Variants in CHRDL1 observed in about 807,000 individuals in gnomAD.
CHRDL1 encodes chordin like 1.
A neutral mutation model predicts 40.9 loss-of-function variants in CHRDL1; 19 were observed. That is an observed-to-expected ratio of 0.46 (90% CI 0.32 to 0.68). CHRDL1 has a LOEUF of 0.68. Among genes scored for constraint, CHRDL1 ranks in the 30% least tolerant of loss-of-function variants. The pLI, the probability that CHRDL1 is intolerant of heterozygous loss-of-function variation, is 0.03. For synonymous variants in CHRDL1, 136 were observed against 123.4 expected (o/e 1.10, Z -0.68); for missense variants, 329 against 352.1 (o/e 0.93, Z 0.53).
chrX:110,736,558 A>T (rs1031357098), intron 4 of CHRDL1, among the ~76,000 whole-genome samples: 1 of 111,686 alleles, frequency 9.0e-6, no homozygotes, highest in Admixed American at 9.5e-5. Context: ...CAAGGCTGGA[A>T]AAACAATATG....
rs146084934 is a variant in CHRDL1, at chrX:110,725,984, C to T, written c.302-4454G>A. Among the ~76,000 whole-genome samples the T allele has an allele frequency of 2.2e-4, 25 of 111,440 alleles. No individual in the cohort carries two copies. In the East Asian group the frequency reaches 7.0e-3, roughly 31 times the overall value. ...AGTCCCTTTAATTGCCCATGACACACAGAGAGACATACACATCCAACAAAG... is the reference window on the plus strand; with the variant it reads ...AGTCCCTTTAATTGCCCATGACACATAGAGAGACATACACATCCAACAAAG... On this transcript the variant is annotated intron_variant, in intron 4 of 11. Coordinates refer to ENST00000372042, the MANE Select transcript of CHRDL1 (RefSeq NM_001143981.2).
intron 4 of CHRDL1, 59 bp downstream of exon 4, chrX:110,759,602 T>C (rs1372581304): frequency 2.5e-6 from 2 of 805,434 alleles, no homozygotes; most frequent in African/African-American, 4.1e-5. Flanking sequence ...ATGAGTTGAG[T>C]TGGGTGAAGA....
At chrX:110,696,264 A>C (rs2070383737) in intron 7 of CHRDL1, among the ~76,000 whole-genome samples, 1 of 111,645 alleles carries the variant, frequency 9.0e-6, no homozygotes, top group Non-Finnish European at 1.9e-5. Context: ...GCCATTCTTT[A>C]GCACCAACGT....
At chrX:110,713,240 C>G (rs1247509467) in intron 6 of CHRDL1, among the ~76,000 whole-genome samples, 1 of 111,701 alleles carries the variant, frequency 9.0e-6, no homozygotes, top group African/African-American at 3.3e-5. Flanking sequence ...TTACTTATAT[C>G]ATGACGTGGT....
intron 10 of CHRDL1, among the ~76,000 whole-genome samples, 194 bp downstream of exon 10, chrX:110,681,288 T>C (rs1481624531): frequency 8.9e-6 from 1 of 112,158 alleles, no homozygotes; most frequent in Non-Finnish European, 1.9e-5. Context: ...GGGTCAGTAC[T>C]TGATCTTTAG....
chrX:110,730,582 T>C (rs2071140871), intron 4 of CHRDL1, among the ~76,000 whole-genome samples: 1 of 110,728 alleles, frequency 9.0e-6, no homozygotes, highest in Non-Finnish European at 1.9e-5. Flanking sequence ...TGTATTTTAT[T>C]TTATTATTAT....
intron 4 of CHRDL1, among the ~76,000 whole-genome samples, chrX:110,741,849 A>G (rs913647399): frequency 2.7e-5 from 3 of 111,990 alleles, no homozygotes; most frequent in African/African-American, 9.8e-5. Context: ...CAGATAGGCC[A>G]CAGGCTATTT....
In CHRDL1 at chrX:110,762,596, A is replaced by C. The variant is rs916546949; in HGVS notation, c.207+99T>G. 17 of 507,479 alleles carry C rather than the reference A, an allele frequency of 3.3e-5. No individual in the cohort carries two copies. The Admixed American group carries it at 5.9e-4, about 18-fold the overall frequency. The allele number at this position is 507,479 out of a possible 1,213,427, so 41.8% of individuals were successfully genotyped here. A position where few individuals can be genotyped will look rare whatever the true frequency, so the allele number is the denominator to read the frequency against. On this transcript the variant is annotated intron_variant, in intron 3 of 11. Transcript: ENST00000372042. The stretch of plus-strand genomic sequence containing the variant: ...TCGGTCTGCTTCTTTACTTTCTTTA[A>C]GGATTTTATCATCCATGGTCCCTGG...
intron 4 of CHRDL1, among the ~76,000 whole-genome samples, chrX:110,756,185 GA>G (rs1258797072): frequency 1.9e-4 from 21 of 111,467 alleles, no homozygotes; most frequent in Non-Finnish European, 3.8e-4. Flanking sequence ...TGTGGAACTA[GA>G]AAAATAAATA....
chrX:110,696,571 C>T (rs1447652420), intron 7 of CHRDL1, among the ~76,000 whole-genome samples: 1 of 111,187 alleles, frequency 9.0e-6, no homozygotes, highest in African/African-American at 3.3e-5. Context: ...AATGTCCAAT[C>T]AAACTCAGTG....
chrX:110,714,522 T>A (rs2070805632), intron 6 of CHRDL1, among the ~76,000 whole-genome samples: 1 of 111,597 alleles, frequency 9.0e-6, no homozygotes, highest in African/African-American at 3.3e-5. Flanking sequence ...TGATAAAATT[T>A]CCCTTAAGGT....
chrX:110,767,674 G>A (rs1366026125), intron 2 of CHRDL1, among the ~76,000 whole-genome samples: 2 of 108,910 alleles, frequency 1.8e-5, no homozygotes, highest in Admixed American at 9.7e-5. Flanking sequence ...ATCTAACAAA[G>A]GAGTAGAAAG....
At chrX:110,725,028 T>C (rs900487972) in intron 4 of CHRDL1, among the ~76,000 whole-genome samples, 3 of 111,653 alleles carry the variant, frequency 2.7e-5, no homozygotes, top group Non-Finnish European at 5.6e-5. Context: ...CAGGGAATGC[T>C]ACAATAGGAA....
chrX:110,673,926 A>G lies in CHRDL1; in HGVS notation c.*2305T>C, dbSNP rs1342164191. On this transcript the variant is annotated 3_prime_UTR_variant, in exon 12 of 12. Coordinates refer to ENST00000372042, the MANE Select transcript of CHRDL1 (RefSeq NM_001143981.2). ...TACAGTGACTACATAAATAAGTACC[A>G]TAATTAGGTACATGTCCTGTGAGAA... 2 of 112,331 alleles carry G rather than the reference A, an allele frequency of 1.8e-5. No homozygotes were observed. The highest frequency in any genetic ancestry group is 1.9e-4 in the Admixed American group (2 of 10,582). 9.3% of individuals were successfully genotyped at this position (112,331 alleles called of 1,213,427 possible). A position where few individuals can be genotyped will look rare whatever the true frequency, so the allele number is the denominator to read the frequency against.
intron 4 of CHRDL1, among the ~76,000 whole-genome samples, chrX:110,756,022 C>T (rs1231220966): frequency 8.9e-6 from 1 of 111,839 alleles, no homozygotes. Flanking sequence ...TTCCTTTTGT[C>T]AAGCTCCACT....
chrX:110,727,465 AT>A (rs751472012), intron 4 of CHRDL1, among the ~76,000 whole-genome samples: 63 of 112,464 alleles, frequency 5.6e-4, no homozygotes, highest in Admixed American at 1.3e-3. Context: ...ATCTCTTCAC[AT>A]ATTTGCTGTT....
chrX:110,726,276 G>A (rs1478366399), intron 4 of CHRDL1, among the ~76,000 whole-genome samples: 1 of 111,526 alleles, frequency 9.0e-6, no homozygotes, highest in African/African-American at 3.3e-5. Flanking sequence ...TGGCTTTTAG[G>A]AGATGGGGCC....
intron 7 of CHRDL1, among the ~76,000 whole-genome samples, chrX:110,699,084 C>A (rs950333133): frequency 8.9e-6 from 1 of 112,208 alleles, no homozygotes; most frequent in Non-Finnish European, 1.9e-5. Flanking sequence ...GAAGCCTACC[C>A]TCTCTTGCAG....
At chrX:110,696,818 C>G (rs7060124) in intron 7 of CHRDL1, among the ~76,000 whole-genome samples, 48,021 of 109,512 alleles carry the variant, frequency 0.44, 8,713 homozygotes, top group African/African-American at 0.63. Context: ...CCAAGAGACT[C>G]TGGTTTGAAG....
Sources: allele counts gnomAD v4.1 joint callset (sites outside exome capture counted in the v4.1 genomes callset), GRCh38; gene constraint gnomAD v4.1.1; transcripts MANE v1.5; gene names NCBI Gene and HGNC (gene_info 2026-07-23, HGNC 2026-07-21).